The following EDC3 variants were observed in gnomAD, a reference collection of about 807,000 sequenced individuals.
EDC3 encodes the protein enhancer of mRNA decapping 3.
EDC3 carries 20 observed loss-of-function variants against 41.8 expected under a neutral mutation model. The ratio of observed to expected loss-of-function variants is 0.48; its 90% CI spans 0.34 to 0.70. The LOEUF (loss-of-function observed/expected upper bound fraction) is 0.70, where lower values mean the gene tolerates loss of function less well. Among genes scored for constraint, EDC3 ranks in the 30% least tolerant of loss-of-function variants. The pLI, the probability that EDC3 is intolerant of heterozygous loss-of-function variation, is 0.01. For synonymous variants in EDC3, 206 were observed against 243.2 expected (o/e 0.85, Z 1.42); for missense variants, 444 against 636.8 (o/e 0.70, Z 3.26).
chr15:74,632,507 CA>C lies in EDC3; in HGVS notation c.*104del. The stretch of plus-strand genomic sequence containing the variant: ...TGTTCTCTCACAGAAGAAACAAACC[CA>C]AAAGAGAAAAAACTTTAACAAGGTC... On this transcript the variant is annotated 3_prime_UTR_variant, in exon 7 of 7. Coordinates refer to ENST00000315127, the MANE Select transcript of EDC3 (RefSeq NM_025083.5). The surrounding 1 kb of genome is among the most constrained non-coding windows in gnomAD (Gnocchi z 4.0). 2 of 1,353,272 alleles carry C rather than the reference CA, an allele frequency of 1.5e-6. No individual in the cohort carries two copies. The highest frequency in any genetic ancestry group is 1.0e-6 in the Non-Finnish European group (1 of 993,102). 83.8% of individuals were successfully genotyped at this position (1,353,272 alleles called of 1,614,324 possible). A position where few individuals can be genotyped will look rare whatever the true frequency, so the allele number is the denominator to read the frequency against.
chr15:74,695,384 T>G (rs1244132974), intron 1 of EDC3: 1 of 152,202 alleles, frequency 6.6e-6, no homozygotes, highest in Non-Finnish European at 1.5e-5. Flanking sequence ...AAGGCAGAAA[T>G]GAATCCAGGG....
chr15:74,638,137 C>T (rs2062297782), intron 5 of EDC3: 2 of 152,098 alleles, frequency 1.3e-5, no homozygotes, highest in Non-Finnish European at 2.9e-5. Context: ...CTCTTGGTTT[C>T]TTACCTCTCC....
intron 1 of EDC3, chr15:74,679,782 A>C (rs925063383): frequency 1.4e-5 from 2 of 146,052 alleles, no homozygotes; most frequent in Non-Finnish European, 1.5e-5. Context: ...AAAAAAAAAA[A>C]CAGGTGTAGT....
Position 74,671,546 on chromosome 15 carries a change from G to A in EDC3, c.393C>T (p.Ser131=). 6.2e-7 allele frequency: 1 copy of A among 1,614,176 alleles called. No homozygotes were observed. Among genetic ancestry groups the A allele is most frequent in the Non-Finnish European group, 8.5e-7 (1 of 1,180,042 alleles). Residue 131 remains serine, a synonymous_variant, in exon 3 of 7, where the codon TCC becomes TCT. Transcript: ENST00000315127. This position sits in a 1 kb window ranked among gnomAD's most constrained non-coding sequence, Gnocchi z 4.6. ...TDVKSQDVAV[S]PQQQQCSKSY... is the part of the protein sequence containing the mutation. ...TCTTTGAGCACTGTTGCTGCTGCGG[G>A]GAAACGGCAACATCCTGGCTCTTCA... is the stretch of plus-strand genomic sequence containing the variant.
chr15:74,682,753 T>A (rs2062888478), intron 1 of EDC3, among the ~76,000 whole-genome samples: 3 of 152,156 alleles, frequency 2.0e-5, no homozygotes, highest in Non-Finnish European at 4.4e-5. Context: ...CTGGGCGCAG[T>A]GGCTCACGCC....
At chr15:74,661,935 TTC>T (rs1029048901) in intron 3 of EDC3, among the ~76,000 whole-genome samples, 1 of 152,158 alleles carries the variant, frequency 6.6e-6, no homozygotes, top group Non-Finnish European at 1.5e-5. Context: ...TATTTTGATT[TTC>T]TTTTAGTAAA....
intron 3 of EDC3, 56 bp from the exon 4 acceptor site, chr15:74,656,124 G>C: frequency 6.8e-7 from 1 of 1,478,984 alleles, no homozygotes; most frequent in Non-Finnish European, 9.2e-7. Context: ...CTCAGTGAAC[G>C]TGGAAAATAC....
intron 4 of EDC3, among the ~76,000 whole-genome samples, chr15:74,649,516 G>A (rs2062456470): frequency 6.6e-6 from 1 of 152,150 alleles, no homozygotes; most frequent in South Asian, 2.1e-4. Context: ...TTAAAACAGT[G>A]TCTGGCACAT....
intron 4 of EDC3, among the ~76,000 whole-genome samples, chr15:74,650,522 C>T (rs1446680677): frequency 6.6e-6 from 1 of 152,192 alleles, no homozygotes; most frequent in Non-Finnish European, 1.5e-5. Flanking sequence ...CCTCTCAACA[C>T]CTAGTGCACT....
chr15:74,674,927 G>C (rs1385845977), intron 2 of EDC3, 34 bp downstream of exon 2: 1 of 1,612,468 alleles, frequency 6.2e-7, no homozygotes, highest in African/African-American at 1.3e-5. Context: ...CAGACCACCA[G>C]GTTGGATTCA....
At chr15:74,641,222 A>G (rs1370658175) in intron 4 of EDC3, 1 of 152,730 alleles carries the variant, frequency 6.5e-6, no homozygotes, top group Non-Finnish European at 1.5e-5. Context: ...TTTCTCAAAT[A>G]ATTTATCATT....
intron 3 of EDC3, among the ~76,000 whole-genome samples, chr15:74,668,991 T>C (rs963211248): frequency 3.9e-5 from 6 of 152,134 alleles, no homozygotes; most frequent in African/African-American, 9.7e-5. Flanking sequence ...ATCCCAGCAC[T>C]TGGGGAGGCC....
chr15:74,680,664 A>G (rs77994936), intron 1 of EDC3, among the ~76,000 whole-genome samples: 1 of 152,360 alleles, frequency 6.6e-6, no homozygotes, highest in East Asian at 1.9e-4. Context: ...AGATAAAAAA[A>G]GTATACAGTT....
Position 74,691,805 on chromosome 15 carries a change from C to T in EDC3, c.-19+4075G>A, listed in dbSNP as rs377725753. On this transcript the variant is annotated intron_variant, in intron 1 of 6. Transcript: ENST00000315127. The stretch of plus-strand genomic sequence containing the variant: ...CACAAAAATACTTGCATATTATCTA[C>T]GGCTATTTTCTGGGTTTTTTTGGGT... Among the ~76,000 whole-genome samples, 84 of 152,154 alleles carry T rather than the reference C, an allele frequency of 5.5e-4. No homozygotes were observed. In the South Asian group the frequency reaches 0.017, roughly 31 times the overall value.
chr15:74,653,129 G>A (rs948926899), intron 4 of EDC3, among the ~76,000 whole-genome samples: 5 of 150,480 alleles, frequency 3.3e-5, no homozygotes, highest in African/African-American at 9.8e-5. Flanking sequence ...GCGGTGCGCT[G>A]AGAGCTGAGA....
intron 4 of EDC3, chr15:74,640,869 T>G: frequency 2.0e-6 from 1 of 499,118 alleles, no homozygotes. Context: ...CTTAGCAATT[T>G]AGCTTTAGAC....
At chr15:74,690,145 C>T (rs529124669) in intron 1 of EDC3, among the ~76,000 whole-genome samples, 5 of 152,184 alleles carry the variant, frequency 3.3e-5, no homozygotes, top group Admixed American at 6.5e-5. Context: ...CTAACCAACA[C>T]TTATTTTGCC....
intron 2 of EDC3, among the ~76,000 whole-genome samples, chr15:74,673,174 G>A (rs1367754555): frequency 6.6e-6 from 1 of 152,064 alleles, no homozygotes; most frequent in Non-Finnish European, 1.5e-5. Context: ...TGGCTATAGG[G>A]AAGGAGAAGA....
chr15:74,642,416 T>A (rs776243911), intron 4 of EDC3: 2 of 152,198 alleles, frequency 1.3e-5, no homozygotes, highest in African/African-American at 2.4e-5. Flanking sequence ...TGACCTTGCA[T>A]GTCAACAGCT....
Sources: gnomAD v4.1 joint callset for allele counts (sites outside exome capture counted in the v4.1 genomes callset) on GRCh38, gnomAD v4.1.1 for gene constraint, Gnocchi (gnomAD v3.1) non-coding constraint, MANE v1.5 for transcripts, NCBI Gene and HGNC (gene_info 2026-07-23, HGNC 2026-07-21) for gene names.